Variants in PDE4D observed in about 807,000 individuals in gnomAD.
The protein encoded by PDE4D is phosphodiesterase 4D, also known as 3',5'-cyclic-AMP phosphodiesterase 4D.
A neutral mutation model predicts 87.4 loss-of-function variants in PDE4D; 24 were observed. The observed-to-expected ratio is 0.27, with a 90% CI of 0.20 to 0.39. PDE4D has a LOEUF of 0.39. Among genes scored for constraint, PDE4D ranks in the 10% least tolerant of loss-of-function variants. The pLI, the probability that PDE4D is intolerant of heterozygous loss-of-function variation, is 1.00. For synonymous variants in PDE4D, 384 were observed against 383.2 expected, an observed-to-expected ratio of 1.00 and a Z score of -0.02; for missense variants, 714 against 1,041.0, an observed-to-expected ratio of 0.69 and a Z score of 4.32.
chr5:59,414,164 C>G (rs916694850), intron 1 of PDE4D, among the ~76,000 whole-genome samples: 3 of 152,206 alleles, frequency 2.0e-5, no homozygotes, highest in Non-Finnish European at 4.4e-5. Context: ...TCACTGAATG[C>G]CAGTGCACAC....
intron 1 of PDE4D, among the ~76,000 whole-genome samples, chr5:60,420,622 C>G (rs1743002438): frequency 1.3e-5 from 2 of 152,220 alleles, no homozygotes; most frequent in South Asian, 2.1e-4. Flanking sequence ...CTGCACCTCC[C>G]AGCGTCATCG....
chr5:60,331,512 C>T (rs1757304328), intron 1 of PDE4D, among the ~76,000 whole-genome samples: 1 of 152,234 alleles, frequency 6.6e-6, no homozygotes, highest in African/African-American at 2.4e-5. Flanking sequence ...TTCCCTGCCC[C>T]TTGGCCTCCC....
At position 60,171,431 on chromosome 5, in the gene PDE4D, T is replaced by C. The variant is rs541724062; in HGVS notation, c.42+14126A>G. On this transcript the variant is annotated intron_variant, in intron 2 of 16. Coordinates refer to the PDE4D transcript ENST00000502484. ...GTGCAAAGTAGAGACAAATTGAAAA[T>C]TGGTCATAGAAACAATGAAAGCTCA... Among the ~76,000 whole-genome samples, 7 of 152,020 alleles carry C rather than the reference T, an allele frequency of 4.6e-5. No individual in the cohort carries two copies. In the South Asian group the frequency reaches 1.2e-3, roughly 27 times the overall value.
At chr5:60,498,956 G>T (rs1749944265) in intron 1 of PDE4D, among the ~76,000 whole-genome samples, 1 of 152,104 alleles carries the variant, frequency 6.6e-6, no homozygotes, top group African/African-American at 2.4e-5. Flanking sequence ...TTCCACCTAG[G>T]TGATCAGCCA....
At chr5:60,122,051 T>C (rs1778732570) in intron 2 of PDE4D, among the ~76,000 whole-genome samples, 1 of 152,154 alleles carries the variant, frequency 6.6e-6, no homozygotes, top group Admixed American at 6.5e-5. Flanking sequence ...ATGATCTCCT[T>C]TGACTCCATG....
At chr5:60,488,214 AATCTACTT>A (rs1749307505), upstream of PDE4D, 1 of 152,454 alleles carries the variant, frequency 6.6e-6, no homozygotes, top group African/African-American at 2.4e-5. Flanking sequence ...TCTACACATT[AATCTACTT>A]ATCTGGAATC....
At chr5:59,731,946 T>C (rs1430270117) in intron 1 of PDE4D, among the ~76,000 whole-genome samples, 1 of 152,178 alleles carries the variant, frequency 6.6e-6, no homozygotes, top group African/African-American at 2.4e-5. Flanking sequence ...CCAGTTGTCA[T>C]GCTAATGTGC....
At chr5:59,945,027 T>C (rs1757590631) in intron 3 of PDE4D, among the ~76,000 whole-genome samples, 1 of 152,218 alleles carries the variant, frequency 6.6e-6, no homozygotes, top group Non-Finnish European at 1.5e-5. Flanking sequence ...CATGTTAAAA[T>C]TTCAAAGTGC....
intron 1 of PDE4D, among the ~76,000 whole-genome samples, chr5:59,702,370 C>T (rs1036242948): frequency 6.6e-6 from 1 of 152,122 alleles, no homozygotes; most frequent in African/African-American, 2.4e-5. Context: ...TTGTGATCTG[C>T]CTGCCTCGGC....
intron 2 of PDE4D, among the ~76,000 whole-genome samples, chr5:60,067,689 G>A (rs76669289): frequency 0.04 from 6,002 of 151,850 alleles, 167 homozygotes; most frequent in Non-Finnish European, 0.059. Context: ...GAAACTTTAC[G>A]CCCATTGTTT....
At chr5:59,729,229 T>C (rs1200152891) in intron 1 of PDE4D, among the ~76,000 whole-genome samples, 1 of 152,130 alleles carries the variant, frequency 6.6e-6, no homozygotes, top group Non-Finnish European at 1.5e-5. Context: ...TTGTTGACTA[T>C]ATTTAGCTTT....
chr5:60,078,169 C>G (rs1037930579), intron 2 of PDE4D, among the ~76,000 whole-genome samples: 1 of 152,160 alleles, frequency 6.6e-6, no homozygotes, highest in African/African-American at 2.4e-5. Flanking sequence ...TTGCATTCTT[C>G]TTGGATTCCA....
chr5:59,195,946 A>G (rs796793594), intron 2 of PDE4D, among the ~76,000 whole-genome samples: 9 of 152,288 alleles, frequency 5.9e-5, no homozygotes, highest in African/African-American at 2.2e-4. Context: ...TAAAAGATTG[A>G]GGGCTTTAAA....
At chr5:59,632,952 A>G (rs971892667) in intron 1 of PDE4D, among the ~76,000 whole-genome samples, 44 of 152,302 alleles carry the variant, frequency 2.9e-4, no homozygotes, top group African/African-American at 1.0e-3. Flanking sequence ...CTAAAAAAGT[A>G]TGTTCTAACC....
chr5:60,201,511 C>T (rs558101164), intron 1 of PDE4D, among the ~76,000 whole-genome samples: 4 of 152,132 alleles, frequency 2.6e-5, no homozygotes, highest in South Asian at 4.1e-4. Context: ...CATGCAGTTC[C>T]GATCTGAATT....
At chr5:60,294,688 C>A (rs1045949605) in intron 1 of PDE4D, among the ~76,000 whole-genome samples, 1 of 151,590 alleles carries the variant, frequency 6.6e-6, no homozygotes, top group Non-Finnish European at 1.5e-5. Flanking sequence ...GTGTCTATTT[C>A]TGGACTCTTT....
chr5:60,107,223 C>A (rs1777072150), intron 2 of PDE4D, among the ~76,000 whole-genome samples: 1 of 152,148 alleles, frequency 6.6e-6, no homozygotes, highest in African/African-American at 2.4e-5. Context: ...GAGAATACTA[C>A]AAAAACCTCT....
chr5:60,172,928 C>G (rs1334798195), intron 2 of PDE4D, among the ~76,000 whole-genome samples: 1 of 152,096 alleles, frequency 6.6e-6, no homozygotes, highest in African/African-American at 2.4e-5. Context: ...TTAACAAAGG[C>G]TAATAGGGAT....
intron 1 of PDE4D, among the ~76,000 whole-genome samples, chr5:60,311,173 C>T (rs749895365): frequency 6.6e-5 from 10 of 150,700 alleles, no homozygotes; most frequent in Non-Finnish European, 1.0e-4. Context: ...TGTGCCACCA[C>T]GCCTGGCTAA....
Sources: allele counts gnomAD v4.1 joint callset (sites outside exome capture counted in the v4.1 genomes callset), GRCh38; gene constraint gnomAD v4.1.1; transcripts MANE v1.5; gene names NCBI Gene and HGNC (gene_info 2026-07-23, HGNC 2026-07-21).